The following RARRES2 variants were observed in gnomAD, a reference collection of about 807,000 sequenced individuals.
The protein encoded by RARRES2 is retinoic acid receptor responder protein 2.
Under a neutral mutation model 17.9 loss-of-function variants are expected in RARRES2, and 12 were observed. The ratio of observed to expected loss-of-function variants is 0.67; its 90% confidence interval spans 0.43 to 1.08. The LOEUF is 1.08. Among genes scored for constraint, RARRES2 ranks in the 50% least tolerant of loss-of-function variants. RARRES2 has a pLI of 0.00. For synonymous variants in RARRES2, 82 were observed against 86.8 expected (o/e 0.94, Z 0.31); for missense variants, 220 against 210.1 (o/e 1.05, Z -0.29).
At position 150,340,590 on chromosome 7, in the gene RARRES2, G is replaced by A. The variant is rs745952143; in HGVS notation, c.20C>T (p.Pro7Leu). 18 of 1,539,460 alleles carry A rather than the reference G, an allele frequency of 1.2e-5. No individual in the cohort carries two copies. In the South Asian group the frequency reaches 2.1e-4, roughly 18 times the overall value. MRRLLI[P>L]LALWLGAVGV... ...CACCGCACCCAGCCACAGGGCCAGA[G>A]GGATCAGCAGCCGTCGCATGCTTCC... The change falls in exon 2 of 6, where the codon CCT becomes CTT. Residue 7 changes from proline (P) to leucine (L), a missense_variant. Pro to Leu is a moderately conservative substitution (Grantham distance 98). Transcript: ENST00000223271.
intron 1 of RARRES2, 61 bp from the exon 2 acceptor site, chr7:150,340,690 C>G (rs1798465147): frequency 8.6e-6 from 12 of 1,388,238 alleles, no homozygotes; most frequent in Middle Eastern, 5.3e-4. Context: ...TCCTCCCGCG[C>G]CCTGCTCTGG....
intron 1 of RARRES2, chr7:150,341,303 C>CT: frequency 6.5e-6 from 1 of 152,710 alleles, no homozygotes; most frequent in Non-Finnish European, 1.5e-5. Context: ...ATCTTCCCTC[C>CT]TTCCTCTTTT....
At chr7:150,339,188 A>G (rs1684310102) in intron 3 of RARRES2, 107 bp from the exon 4 acceptor site, 8 of 1,076,108 alleles carry the variant, frequency 7.4e-6, no homozygotes, top group Admixed American at 3.9e-5. Context: ...CAGATCCCCA[A>G]CTAGGCCCTC....
rs1378891494 is a variant in RARRES2 at position 150,339,182 on chromosome 7, T to G, written c.280-101A>C. ...CAGGGCTGCCCATCATGGGACCAGATCCCCAACTAGGCCCTCGAGCCCAGG... is the reference window on the plus strand; with the variant it reads ...CAGGGCTGCCCATCATGGGACCAGAGCCCCAACTAGGCCCTCGAGCCCAGG... On this transcript the variant is annotated intron_variant, in intron 3 of 5. Transcript: ENST00000223271. 5 of 1,143,906 alleles carry G rather than the reference T, an allele frequency of 4.4e-6. No individual in the cohort carries two copies. In the African/African-American group the frequency reaches 6.1e-5, roughly 14 times the overall value. The allele number at this position is 1,143,906 out of a possible 1,614,324, so 70.9% of individuals were successfully genotyped here. A position where few individuals can be genotyped will look rare whatever the true frequency, so the allele number is the denominator to read the frequency against.
chr7:150,340,624 C>G lies in RARRES2; in HGVS notation c.-15G>C. On this transcript the variant is annotated 5_prime_UTR_variant, in exon 2 of 6. Transcript: ENST00000223271. ...AGCCGTCGCATGCTTCCGTGTCACCCTGGCCCTGCGAAGCGGGTGTGCGCC... is the reference window on the plus strand; with the variant it reads ...AGCCGTCGCATGCTTCCGTGTCACCGTGGCCCTGCGAAGCGGGTGTGCGCC... 1 of 1,490,632 alleles carries G rather than the reference C, an allele frequency of 6.7e-7. No individual in the cohort carries two copies. Among genetic ancestry groups the G allele is most frequent in the South Asian group, 1.3e-5 (1 of 78,350 alleles). The allele number at this position is 1,490,632 out of a possible 1,614,324, so 92.3% of individuals were successfully genotyped here.
Position 150,338,733 on chromosome 7 carries a change from C to G in RARRES2, c.384G>C (p.Glu128Asp). 14 of 1,556,532 alleles carry G rather than the reference C, an allele frequency of 9.0e-6. No individual in the cohort carries two copies. The highest frequency in any genetic ancestry group is 1.1e-5 in the Non-Finnish European group (13 of 1,149,652). ...PIETQVLREA[E>D]EHQETQCLRV... is the part of the protein sequence containing the mutation. ...TGAGGCACTGGGTCTCCTGGTGCTC[C>G]TCAGCCTCCTGCCAGTGCCCAAAAC... The change falls in exon 5 of 6, where the codon GAG becomes GAC. Residue 128 changes from glutamate to aspartate, a missense_variant. Coordinates refer to ENST00000223271, the MANE Select transcript of RARRES2 (RefSeq NM_002889.4).
chr7:150,340,677 G>A (rs1205223854), intron 1 of RARRES2, 48 bp from the exon 2 acceptor site: 3 of 1,412,888 alleles, frequency 2.1e-6, no homozygotes, highest in Non-Finnish European at 9.3e-7. Flanking sequence ...AGCCCGAGCC[G>A]CCTCCTCCCG....
intron 4 of RARRES2, 68 bp from the exon 5 acceptor site, chr7:150,338,809 A>C: frequency 6.4e-7 from 1 of 1,566,016 alleles, no homozygotes; most frequent in Non-Finnish European, 8.7e-7. Context: ...GGCTGCCAGC[A>C]TCCTCCACAT....
intron 4 of RARRES2, 48 bp downstream of exon 4, chr7:150,338,938 C>T (rs767247304): frequency 8.3e-6 from 13 of 1,558,372 alleles, no homozygotes; most frequent in African/African-American, 1.4e-5. Flanking sequence ...CAGCTTCCAT[C>T]CATCTTCCCA....
At chr7:150,340,019 G>T in intron 3 of RARRES2, 81 bp downstream of exon 3, 1 of 1,232,508 alleles carries the variant, frequency 8.1e-7, no homozygotes. Flanking sequence ...GCACACCCAG[G>T]CATGTGCCCC....
intron 4 of RARRES2, 48 bp from the exon 5 acceptor site, chr7:150,338,789 G>C: frequency 6.4e-7 from 1 of 1,564,038 alleles, no homozygotes; most frequent in Non-Finnish European, 8.7e-7. Flanking sequence ...GGTGGGCAGT[G>C]CCAGTGGAGG....
Position 150,338,877 on chromosome 7 carries a change from GC to G in RARRES2, c.375+108del, listed in dbSNP as rs1185271966. 3.9e-6 allele frequency: 6 copies of G among 1,540,708 alleles called. No homozygotes were observed. The East Asian group carries it at 1.4e-4, about 35-fold the overall frequency. On this transcript the variant is annotated intron_variant, in intron 4 of 5. Coordinates refer to ENST00000223271, the MANE Select transcript of RARRES2 (RefSeq NM_002889.4). ...GGCACAGCGCTTTCTAGCCCCCACT[GC>G]CCTCCCTCCTGCTTGGCCAAGCTTT... is the stretch of plus-strand genomic sequence containing the variant.
intron 1 of RARRES2, chr7:150,340,842 T>G: frequency 2.1e-6 from 1 of 471,586 alleles, no homozygotes; most frequent in Non-Finnish European, 3.7e-6. Flanking sequence ...CCCGCGCTGT[T>G]CCCTGGGGCC....
chr7:150,339,582 G>A (rs1460093426), intron 3 of RARRES2, among the ~76,000 whole-genome samples: 1 of 152,132 alleles, frequency 6.6e-6, no homozygotes, highest in South Asian at 2.1e-4. Context: ...TCCTTGAGCC[G>A]ACAGAGGGAA....
rs1239121601 is a variant in RARRES2, at chr7:150,338,696, C to T, written c.421G>A (p.Ala141Thr). 1 of 1,555,368 alleles carries T rather than the reference C, an allele frequency of 6.4e-7. No homozygotes were observed. The highest frequency in any genetic ancestry group is 8.7e-7 in the Non-Finnish European group (1 of 1,148,990). ...TAGAAGCTGTGGGGGTCCTCACCAGCCCGCTGCACCCTGAGGCACTGGGTC... is the reference window on the plus strand; with the variant it reads ...TAGAAGCTGTGGGGGTCCTCACCAGTCCGCTGCACCCTGAGGCACTGGGTC... Reference protein sequence around the residue: ...QETQCLRVQRAGEDPHSFYFP... With the variant: ...QETQCLRVQRTGEDPHSFYFP... The change falls in exon 5 of 6, where the codon GCT becomes ACT. Residue 141 changes from alanine to threonine, a missense_variant. Physicochemically the swap from Ala to Thr is moderately conservative, Grantham distance 58 (BLOSUM62 0). Coordinates refer to ENST00000223271, the MANE Select transcript of RARRES2 (RefSeq NM_002889.4).
At chr7:150,339,168 A>G (rs1798416990) in intron 3 of RARRES2, 87 bp from the exon 4 acceptor site, 5 of 1,281,382 alleles carry the variant, frequency 3.9e-6, no homozygotes, top group South Asian at 1.2e-5. Context: ...AGGGCTGCCC[A>G]TCATGGGACC....
rs769214253 is a variant in RARRES2 at position 150,339,086 on chromosome 7, G to T, written c.280-5C>A. The T allele has an allele frequency of 1.4e-5, 22 of 1,592,462 alleles. No individual in the cohort carries two copies. The East Asian group carries it at 2.7e-4, about 19-fold the overall frequency. The stretch of plus-strand genomic sequence containing the variant: ...GGCCAGGCATTTCCGTTTCCTCTGT[G>T]GGGGAGCGGGGAGCATGGGGTGAGC... On this transcript the variant is annotated splice_polypyrimidine_tract_variant and splice_region_variant and intron_variant, in intron 3 of 5. Coordinates refer to ENST00000223271, the MANE Select transcript of RARRES2 (RefSeq NM_002889.4).
chr7:150,340,319 G>A (rs571970074), intron 2 of RARRES2, 115 bp from the exon 3 acceptor site: 3 of 1,536,322 alleles, frequency 2.0e-6, no homozygotes, highest in East Asian at 4.5e-5. Context: ...CTGGACAGTG[G>A]CCTTTTCTCC....
chr7:150,339,513 T>C (rs1487281319), intron 3 of RARRES2, among the ~76,000 whole-genome samples: 1 of 135,146 alleles, frequency 7.4e-6, no homozygotes, highest in Non-Finnish European at 1.6e-5. Context: ...CCTATTCTAT[T>C]TATTTTCTTG....
Sources: allele counts gnomAD v4.1 joint callset (sites outside exome capture counted in the v4.1 genomes callset), GRCh38; gene constraint gnomAD v4.1.1; transcripts MANE v1.5; gene names NCBI Gene and HGNC (gene_info 2026-07-23, HGNC 2026-07-21).